The following CFAP61 variants were observed in gnomAD, a reference collection of about 807,000 sequenced individuals.
CFAP61 encodes cilia- and flagella-associated protein 61.
A neutral mutation model predicts 135.6 loss-of-function variants in CFAP61; 107 were observed. The observed-to-expected ratio is 0.79, with a 90% confidence interval of 0.67 to 0.93. CFAP61 has a LOEUF of 0.93. CFAP61 is among the 40% of genes least tolerant of loss of function. The pLI is 0.00. For synonymous variants in CFAP61, 575 were observed against 578.5 expected (o/e 0.99, Z 0.09); for missense variants, 1,507 against 1,556.2 (o/e 0.97, Z 0.53).
intron 22 of CFAP61, among the ~76,000 whole-genome samples, chr20:20,285,998 G>T (rs2054562736): frequency 7.3e-6 from 1 of 137,560 alleles, no homozygotes; most frequent in Non-Finnish European, 1.5e-5. Flanking sequence ...GAGAGAAAAG[G>T]TAATTGAAAA....
At chr20:20,212,059 CTT>C (rs1455152428) in intron 17 of CFAP61, among the ~76,000 whole-genome samples, 2 of 152,216 alleles carry the variant, frequency 1.3e-5, no homozygotes, top group African/African-American at 4.8e-5. Context: ...TATCACAAGT[CTT>C]TTGATTTGTT....
At chr20:20,138,604 A>G (rs912766164) in intron 8 of CFAP61, among the ~76,000 whole-genome samples, 1 of 152,216 alleles carries the variant, frequency 6.6e-6, no homozygotes, top group Non-Finnish European at 1.5e-5. Context: ...TTGGCAATTC[A>G]AGACTGTCTT....
Position 20,056,133 on chromosome 20 carries a change from T to G in CFAP61, c.-36-485T>G, listed in dbSNP as rs1268668835. 4.2e-6 allele frequency: 3 copies of G among 708,102 alleles called. No homozygotes were observed. In the Admixed American group the frequency reaches 8.4e-5, roughly 20 times the overall value. The allele number at this position is 708,102 out of a possible 1,614,324, so 43.9% of individuals were successfully genotyped here. ...CCTGGTGGCCCTTCAGGAAGCCTAT[T>G]GCGAGCATTTCCTACACTTAACCAC... On this transcript the variant is annotated intron_variant, in intron 1 of 26. Transcript: ENST00000245957.
chr20:20,307,308 A>G (rs2056532527), intron 25 of CFAP61, among the ~76,000 whole-genome samples: 1 of 152,224 alleles, frequency 6.6e-6, no homozygotes, highest in Admixed American at 6.5e-5. Flanking sequence ...CTCATTGAGC[A>G]TCAGTTTCCT....
chr20:20,090,440 C>T (rs2047099483), intron 6 of CFAP61, among the ~76,000 whole-genome samples: 1 of 151,988 alleles, frequency 6.6e-6, no homozygotes, highest in South Asian at 2.1e-4. Context: ...ATTTGTAATC[C>T]CAGCACTCTG....
At chr20:20,282,806 G>T (rs1383488777) in intron 22 of CFAP61, among the ~76,000 whole-genome samples, 1 of 152,120 alleles carries the variant, frequency 6.6e-6, no homozygotes, top group Non-Finnish European at 1.5e-5. Flanking sequence ...AGGCATGGTG[G>T]TACATGCCTG....
chr20:20,094,283 G>A (rs1600599608), intron 7 of CFAP61: 2 of 152,318 alleles, frequency 1.3e-5, no homozygotes, highest in Middle Eastern at 3.4e-3. Context: ...TACCAGGCTA[G>A]CCATAGAAGG....
intron 2 of CFAP61, among the ~76,000 whole-genome samples, chr20:20,057,724 T>A (rs535969181): frequency 1.4e-4 from 21 of 152,274 alleles, no homozygotes; most frequent in Admixed American, 8.5e-4. Context: ...TTAATTAATT[T>A]ATTTATTTTT....
At chr20:20,163,784 C>G (rs2053598986) in intron 10 of CFAP61, among the ~76,000 whole-genome samples, 1 of 151,892 alleles carries the variant, frequency 6.6e-6, no homozygotes, top group Non-Finnish European at 1.5e-5. Context: ...CCCCGACCCC[C>G]CTGACAGGCC....
At chr20:20,091,114 G>A (rs570462831) in intron 7 of CFAP61, 138 bp downstream of exon 7, 3 of 956,398 alleles carry the variant, frequency 3.1e-6, no homozygotes, top group Admixed American at 2.1e-5. Context: ...GCCCTTCCAG[G>A]TGGTGCACCA....
intron 2 of CFAP61, among the ~76,000 whole-genome samples, chr20:20,067,172 A>G (rs966634680): frequency 6.6e-6 from 1 of 152,062 alleles, no homozygotes; most frequent in East Asian, 1.9e-4. Context: ...CATTGCTCTA[A>G]TGAAAAGAGC....
intron 9 of CFAP61, among the ~76,000 whole-genome samples, chr20:20,154,508 G>T (rs1481664443): frequency 6.6e-6 from 1 of 151,930 alleles, no homozygotes; most frequent in Non-Finnish European, 1.5e-5. Context: ...TAAAGTCTCA[G>T]GTTACAAAAT....
At chr20:20,187,286 T>A (rs1200688021) in intron 13 of CFAP61, among the ~76,000 whole-genome samples, 1 of 152,092 alleles carries the variant, frequency 6.6e-6, no homozygotes. Context: ...AGGAGGCAGC[T>A]GTCATGAGGC....
intron 26 of CFAP61, among the ~76,000 whole-genome samples, chr20:20,357,219 G>A (rs1389835942): frequency 1.4e-5 from 1 of 71,156 alleles, no homozygotes; most frequent in South Asian, 5.6e-4. Context: ...TCACACTGAG[G>A]GGAGGGGGTC....
At chr20:20,060,943 G>C (rs895457648) in intron 2 of CFAP61, among the ~76,000 whole-genome samples, 7 of 152,208 alleles carry the variant, frequency 4.6e-5, no homozygotes, top group African/African-American at 1.7e-4. Context: ...TGAGTCTTCA[G>C]ATGGCTTTAG....
intron 1 of CFAP61, chr20:20,056,019 G>T: frequency 6.2e-7 from 1 of 1,602,566 alleles, no homozygotes; most frequent in Non-Finnish European, 8.5e-7. Context: ...CGTCATTAGA[G>T]ATTCTCTTCC....
At chr20:20,230,530 G>A (rs2049050732) in intron 18 of CFAP61, among the ~76,000 whole-genome samples, 2 of 152,246 alleles carry the variant, frequency 1.3e-5, no homozygotes, top group Admixed American at 6.5e-5. Context: ...AGGAGAATCA[G>A]CCTCCTTGTA....
chr20:20,355,012 T>G (rs2059017018), intron 26 of CFAP61, among the ~76,000 whole-genome samples: 1 of 122,180 alleles, frequency 8.2e-6, no homozygotes, highest in Non-Finnish European at 1.7e-5. Flanking sequence ...ATGGTCACAC[T>G]GCAAGAGGGG....
intron 12 of CFAP61, among the ~76,000 whole-genome samples, chr20:20,166,849 C>T (rs899852628): frequency 6.6e-6 from 1 of 152,148 alleles, no homozygotes; most frequent in Admixed American, 6.5e-5. Context: ...CATTTCTTTC[C>T]CTACTAGTTC....
Sources: gnomAD v4.1 joint callset for allele counts (sites outside exome capture counted in the v4.1 genomes callset) on GRCh38, gnomAD v4.1.1 for gene constraint, MANE v1.5 for transcripts, NCBI Gene and HGNC (gene_info 2026-07-23, HGNC 2026-07-21) for gene names.